Variants in PALS1 observed in about 807,000 individuals in gnomAD.
The protein encoded by PALS1 is protein PALS1.
PALS1 carries 31 observed loss-of-function variants against 78.9 expected under a neutral mutation model. That is an observed-to-expected ratio of 0.39 (90% CI 0.30 to 0.53). PALS1 has a LOEUF of 0.53. Ranked by LOEUF, PALS1 falls within the 20% of genes least tolerant of loss-of-function variation. The pLI, the probability that PALS1 is intolerant of heterozygous loss-of-function variation, is 0.67. For synonymous variants in PALS1, 276 were observed against 270.9 expected (o/e 1.02, Z -0.18); for missense variants, 704 against 826.5 (o/e 0.85, Z 1.82).
At chr14:67,244,652 T>G (rs2083960105) in intron 1 of PALS1, among the ~76,000 whole-genome samples, 1 of 152,212 alleles carries the variant, frequency 6.6e-6, no homozygotes, top group African/African-American at 2.4e-5. Context: ...CTGAATAAAG[T>G]GGCTGTAAAT....
At position 67,279,555 on chromosome 14, in the gene PALS1, T is replaced by C. The variant is rs546530996; in HGVS notation, c.367+18T>C. On this transcript the variant is annotated intron_variant, in intron 3 of 14. Transcript: ENST00000261681. Reference sequence around the variant, plus strand: ...AATATTAGGTAAGTAAAAATAGAGGTATAACAGAAAACATTTTGCTTTAAT... The same window carrying C: ...AATATTAGGTAAGTAAAAATAGAGGCATAACAGAAAACATTTTGCTTTAAT... 4.6e-6 allele frequency: 7 copies of C among 1,508,596 alleles called. No homozygotes were observed. The East Asian group carries it at 1.6e-4, about 35-fold the overall frequency. 93.5% of individuals were successfully genotyped at this position (1,508,596 alleles called of 1,614,324 possible).
At chr14:67,269,062 T>A (rs556286510) in intron 1 of PALS1, among the ~76,000 whole-genome samples, 2 of 152,306 alleles carry the variant, frequency 1.3e-5, no homozygotes, top group East Asian at 3.9e-4. Context: ...CAACCACTGA[T>A]CTACTTTTTG....
In PALS1 at chr14:67,292,570, A is replaced by T. The variant is rs1325405455; in HGVS notation, c.427A>T (p.Ser143Cys). 6.2e-7 allele frequency: 1 copy of T among 1,613,636 alleles called. No individual in the cohort carries two copies. Among genetic ancestry groups the T allele is most frequent in the South Asian group, 1.1e-5 (1 of 91,072 alleles). ...HIQHTLVDSQ[S>C]QEDISLLLQL... ...CCAACATACTTTGGTAGATTCTCAG[A>T]GCCAGGAGGATATTTCACTGCTTTT... The change falls in exon 4 of 15, where the codon AGC becomes TGC. Residue 143 changes from serine to cysteine, a missense_variant. By Grantham distance (112) the Ser-to-Cys change is moderately radical. Transcript: ENST00000261681.
At chr14:67,275,824 C>T (rs552488645) in intron 2 of PALS1, among the ~76,000 whole-genome samples, 7 of 152,154 alleles carry the variant, frequency 4.6e-5, no homozygotes, top group Middle Eastern at 6.8e-3. Context: ...TTCAGGGATT[C>T]GACTTCTTCC....
intron 13 of PALS1, among the ~76,000 whole-genome samples, chr14:67,322,116 TG>T (rs894946768): frequency 6.6e-6 from 1 of 152,098 alleles, no homozygotes; most frequent in African/African-American, 2.4e-5. Flanking sequence ...GACGCCAATG[TG>T]GGTGGATCAC....
At chr14:67,324,491 T>G (rs2085318783) in intron 14 of PALS1, among the ~76,000 whole-genome samples, 1 of 152,362 alleles carries the variant, frequency 6.6e-6, no homozygotes, top group African/African-American at 2.4e-5. Context: ...TTGCCTCATT[T>G]CATTGACTAT....
In PALS1 at chr14:67,335,786, A is replaced by T. The variant is rs976311194; in HGVS notation, c.*2830A>T. On this transcript the variant is annotated 3_prime_UTR_variant, in exon 15 of 15. Coordinates refer to ENST00000261681, the MANE Select transcript of PALS1 (RefSeq NM_022474.4). ...TACTGTACACTGTATTGTAAAAATA[A>T]AAAGTAAAATTATATTTCAAATTTT... is the stretch of plus-strand genomic sequence containing the variant. 6.6e-6 allele frequency: 1 copy of T among 152,560 alleles called. No homozygotes were observed. Among genetic ancestry groups the T allele is most frequent in the African/African-American group, 2.4e-5 (1 of 41,380 alleles). 9.5% of individuals were successfully genotyped at this position (152,560 alleles called of 1,614,324 possible).
At chr14:67,321,550 A>G (rs759672199) in intron 13 of PALS1, among the ~76,000 whole-genome samples, 6 of 152,206 alleles carry the variant, frequency 3.9e-5, no homozygotes, top group Non-Finnish European at 7.3e-5. Context: ...ATATTTGCAT[A>G]TATATAATGA....
At chr14:67,274,187 A>G (rs1437620931) in intron 2 of PALS1, among the ~76,000 whole-genome samples, 1 of 152,134 alleles carries the variant, frequency 6.6e-6, no homozygotes, top group African/African-American at 2.4e-5. Flanking sequence ...TTAGTCATGA[A>G]GTCCTTGCCC....
intron 3 of PALS1, among the ~76,000 whole-genome samples, chr14:67,285,366 A>AT (rs767382946): frequency 0.012 from 1,671 of 137,842 alleles, 18 homozygotes; most frequent in Middle Eastern, 0.023. Context: ...CCTTAGGTAA[A>AT]TTTTTTTTTT....
In PALS1 at chr14:67,333,934, ATAGG is replaced by A. The variant is rs1247741252; in HGVS notation, c.*981_*984del. ...TATCCTATGACTGTGCTACGTATAT[ATAGG>A]TAATAAACTGGAATTCTGTTGATGA... On this transcript the variant is annotated 3_prime_UTR_variant, in exon 15 of 15. Coordinates refer to ENST00000261681, the MANE Select transcript of PALS1 (RefSeq NM_022474.4). 1 of 152,618 alleles carries A rather than the reference ATAGG, an allele frequency of 6.6e-6. No individual in the cohort carries two copies. The allele number at this position is 152,618 out of a possible 1,614,324, so 9.5% of individuals were successfully genotyped here.
At chr14:67,243,109 T>A (rs1330549802) in intron 1 of PALS1, among the ~76,000 whole-genome samples, 1 of 152,216 alleles carries the variant, frequency 6.6e-6, no homozygotes, top group Non-Finnish European at 1.5e-5. Flanking sequence ...AATGCCCTAT[T>A]TCTCTGATAT....
intron 11 of PALS1, among the ~76,000 whole-genome samples, chr14:67,318,459 A>C (rs1435842673): frequency 6.6e-6 from 1 of 152,210 alleles, no homozygotes; most frequent in Non-Finnish European, 1.5e-5. Context: ...GAAGTTAACT[A>C]GTCCAGCTCT....
At chr14:67,260,849 A>G (rs950966279) in intron 1 of PALS1, among the ~76,000 whole-genome samples, 1 of 152,154 alleles carries the variant, frequency 6.6e-6, no homozygotes, top group Non-Finnish European at 1.5e-5. Context: ...CATATGGGAA[A>G]CAGCAAGTAG....
At chr14:67,298,419 G>T (rs907514631) in intron 4 of PALS1, among the ~76,000 whole-genome samples, 56 of 151,742 alleles carry the variant, frequency 3.7e-4, no homozygotes, top group African/African-American at 1.3e-3. Context: ...GGAGTCTGAG[G>T]CAGGAGAATC....
chr14:67,328,888 G>A (rs1234498707), intron 14 of PALS1, among the ~76,000 whole-genome samples: 2 of 152,152 alleles, frequency 1.3e-5, no homozygotes, highest in Non-Finnish European at 2.9e-5. Context: ...TAGCCTTGTA[G>A]TATAGTTTGA....
intron 14 of PALS1, among the ~76,000 whole-genome samples, chr14:67,325,967 C>A (rs922720286): frequency 1.3e-5 from 2 of 148,964 alleles, no homozygotes; most frequent in Non-Finnish European, 3.0e-5. Context: ...TGCCACCACA[C>A]CCGGCTCTTT....
chr14:67,297,227 A>C (rs975783183), intron 4 of PALS1, among the ~76,000 whole-genome samples: 1 of 152,364 alleles, frequency 6.6e-6, no homozygotes, highest in South Asian at 2.1e-4. Context: ...TTAGTATTCA[A>C]CATTTTTTGG....
rs2085493489 is a variant in PALS1 at position 67,334,175 on chromosome 14, G to A, written c.*1219G>A. 1.3e-5 allele frequency: 2 copies of A among 152,408 alleles called. No homozygotes were observed. Among genetic ancestry groups the A allele is most frequent in the Middle Eastern group, 3.4e-3 (1 of 294 alleles). The allele number at this position is 152,408 out of a possible 1,614,324, so 9.4% of individuals were successfully genotyped here. A position where few individuals can be genotyped will look rare whatever the true frequency, so the allele number is the denominator to read the frequency against. On this transcript the variant is annotated 3_prime_UTR_variant, in exon 15 of 15. Transcript: ENST00000261681. ...AAAGGTATTAAATATATAGAAATAG[G>A]TTTTTAACCTAACAAGGTCTGCCTC... is the stretch of plus-strand genomic sequence containing the variant.
Sources: allele counts gnomAD v4.1 joint callset (sites outside exome capture counted in the v4.1 genomes callset), GRCh38; gene constraint gnomAD v4.1.1; transcripts MANE v1.5; gene names NCBI Gene and HGNC (gene_info 2026-07-23, HGNC 2026-07-21).